Variants in ERC2 observed in about 807,000 individuals in gnomAD.
The protein encoded by ERC2 is ELKS/RAB6-interacting/CAST family member 2, also known as ERC protein 2.
ERC2 carries 42 observed loss-of-function variants against 114.8 expected under a neutral mutation model. The ratio of observed to expected loss-of-function variants is 0.37; its 90% CI spans 0.29 to 0.47. The LOEUF is 0.47. ERC2 is among the 20% of genes least tolerant of loss of function. The pLI is 0.99. For missense variants in ERC2, 939 were observed against 1,150.7 expected (o/e 0.82, Z 2.66); for synonymous variants, 454 against 425.5 (o/e 1.07, Z -0.82).
At chr3:56,336,299 A>G (rs1488312134) in intron 2 of ERC2, among the ~76,000 whole-genome samples, 1 of 152,200 alleles carries the variant, frequency 6.6e-6, no homozygotes, top group East Asian at 1.9e-4. Context: ...TGACACATGG[A>G]AAAGTGTTTA....
chr3:55,605,211 G>A (rs1320582583), intron 17 of ERC2, among the ~76,000 whole-genome samples: 1 of 151,986 alleles, frequency 6.6e-6, no homozygotes, highest in Non-Finnish European at 1.5e-5. Flanking sequence ...GAACTTCTGG[G>A]CTCAAGGGAT....
chr3:55,672,254 G>A (rs1337837158), intron 17 of ERC2, among the ~76,000 whole-genome samples: 2 of 149,616 alleles, frequency 1.3e-5, no homozygotes, highest in Non-Finnish European at 3.0e-5. Flanking sequence ...GGAGGATCTC[G>A]CTTGAACCCA....
intron 14 of ERC2, among the ~76,000 whole-genome samples, chr3:55,752,407 G>A (rs1285859886): frequency 6.6e-6 from 1 of 152,174 alleles, no homozygotes; most frequent in Admixed American, 6.5e-5. Context: ...TTTACACGAT[G>A]GAAATTGGCA....
chr3:56,029,698 C>T (rs6809106), intron 7 of ERC2, among the ~76,000 whole-genome samples: 4,566 of 133,616 alleles, frequency 0.034, 232 homozygotes, highest in African/African-American at 0.11. Context: ...CTGACATTGG[C>T]AATATACATC....
chr3:55,659,294 G>A (rs922417254), intron 17 of ERC2: 5 of 152,168 alleles, frequency 3.3e-5, no homozygotes, highest in African/African-American at 2.4e-5. Flanking sequence ...AGCCCGTGTT[G>A]CCTCTGCTGA....
chr3:56,229,633 C>T (rs2050475447), intron 3 of ERC2, among the ~76,000 whole-genome samples: 1 of 152,064 alleles, frequency 6.6e-6, no homozygotes, highest in Admixed American at 6.5e-5. Flanking sequence ...GCAGTCCTTG[C>T]CATTTTTTCC....
At chr3:56,269,309 T>C (rs913845679) in intron 3 of ERC2, among the ~76,000 whole-genome samples, 3 of 152,206 alleles carry the variant, frequency 2.0e-5, no homozygotes, top group African/African-American at 7.2e-5. Flanking sequence ...TCACCAGTGC[T>C]GAAACCCACA....
intron 17 of ERC2, among the ~76,000 whole-genome samples, chr3:55,561,472 T>C (rs1361491587): frequency 6.6e-6 from 1 of 152,194 alleles, no homozygotes. Context: ...AAGGCATTTA[T>C]GGGCATTTGT....
intron 6 of ERC2, among the ~76,000 whole-genome samples, chr3:56,091,314 T>A (rs961115006): frequency 1.4e-4 from 21 of 151,952 alleles, no homozygotes; most frequent in African/African-American, 5.1e-4. Flanking sequence ...AAGGAAGATA[T>A]CAAAGAAGAC....
intron 14 of ERC2, among the ~76,000 whole-genome samples, chr3:55,884,727 C>T (rs375941314): frequency 2.0e-5 from 3 of 152,216 alleles, no homozygotes; most frequent in African/African-American, 7.2e-5. Flanking sequence ...GGGAGACAGG[C>T]TTCTGCAGGC....
At chr3:55,759,462 T>TA (rs540204065) in intron 14 of ERC2, among the ~76,000 whole-genome samples, 5 of 36,076 alleles carry the variant, frequency 1.4e-4, no homozygotes, top group African/African-American at 5.2e-4. Flanking sequence ...TCTCTTTCAT[T>TA]AAAAAAAAAA....
chr3:55,939,039 T>C (rs2066622087), intron 13 of ERC2, among the ~76,000 whole-genome samples: 1 of 152,238 alleles, frequency 6.6e-6, no homozygotes, highest in East Asian at 1.9e-4. Flanking sequence ...CAAGAAATAA[T>C]AGATGAAAAT....
chr3:56,367,170 A>G (rs1213586895), intron 2 of ERC2, among the ~76,000 whole-genome samples: 3 of 152,064 alleles, frequency 2.0e-5, no homozygotes, highest in Admixed American at 6.5e-5. Context: ...TCTTCAGTGG[A>G]TACTCTAAGC....
At chr3:55,522,136 G>A (rs1287525567) in intron 17 of ERC2, among the ~76,000 whole-genome samples, 1 of 152,120 alleles carries the variant, frequency 6.6e-6, no homozygotes, top group Non-Finnish European at 1.5e-5. Context: ...ACTTCTATGT[G>A]TTTTCTAAGC....
chr3:55,709,408 A>G (rs1427154717), intron 15 of ERC2, among the ~76,000 whole-genome samples: 1 of 152,218 alleles, frequency 6.6e-6, no homozygotes, highest in Admixed American at 6.5e-5. Context: ...TTTCATAGAA[A>G]TTATGTCTTA....
In ERC2 at chr3:55,928,744, C is replaced by T. The variant is rs1361095466; in HGVS notation, c.2403+21681G>A. ...TTTTAGGAGAGTCATAGTTTGACAACTTAGATTTAAGTCTTTTCTACATTT... is the reference window on the plus strand; with the variant it reads ...TTTTAGGAGAGTCATAGTTTGACAATTTAGATTTAAGTCTTTTCTACATTT... On this transcript the variant is annotated intron_variant, in intron 13 of 17. Coordinates refer to ENST00000288221, the MANE Select transcript of ERC2 (RefSeq NM_015576.3). Among the ~76,000 whole-genome samples the T allele has an allele frequency of 2.6e-5, 4 of 152,158 alleles. No individual in the cohort carries two copies. In the South Asian group the frequency reaches 8.3e-4, roughly 32 times the overall value.
At chr3:55,825,583 A>G (rs1402140249) in intron 14 of ERC2, among the ~76,000 whole-genome samples, 1 of 152,212 alleles carries the variant, frequency 6.6e-6, no homozygotes, top group Non-Finnish European at 1.5e-5. Context: ...TTGAGATAAT[A>G]TCATGGCTGT....
intron 10 of ERC2, 42 bp downstream of exon 10, chr3:56,007,139 A>AT: frequency 1.3e-6 from 2 of 1,508,838 alleles, no homozygotes; most frequent in Non-Finnish European, 1.8e-6. Flanking sequence ...TTATAAATTC[A>AT]TTTTTAAATA....
chr3:56,295,891 G>A, intron 3 of ERC2, 128 bp downstream of exon 3: 2 of 1,000,934 alleles, frequency 2.0e-6, no homozygotes, highest in Non-Finnish European at 2.8e-6. Context: ...CCGGCAGGAA[G>A]GTCATAAAGC....
Sources: gnomAD v4.1 joint callset for allele counts (sites outside exome capture counted in the v4.1 genomes callset) on GRCh38, gnomAD v4.1.1 for gene constraint, MANE v1.5 for transcripts, NCBI Gene and HGNC (gene_info 2026-07-23, HGNC 2026-07-21) for gene names.